The following FAM178B variants were observed in gnomAD, a reference collection of about 807,000 sequenced individuals.
FAM178B encodes protein FAM178B.
A neutral mutation model predicts 91.7 loss-of-function variants in FAM178B; 82 were observed. The ratio of observed to expected loss-of-function variants is 0.89; its 90% CI spans 0.75 to 1.07. The LOEUF (loss-of-function observed/expected upper bound fraction) is 1.07, where lower values mean the gene tolerates loss of function less well. Ranked by LOEUF, FAM178B falls within the 50% of genes least tolerant of loss-of-function variation. The pLI is 0.00. For synonymous variants in FAM178B, 368 were observed against 359.4 expected (o/e 1.02, Z -0.27); for missense variants, 769 against 846.7 (o/e 0.91, Z 1.14).
At chr2:96,966,121 C>G (rs2082139635) in intron 5 of FAM178B, among the ~76,000 whole-genome samples, 1 of 152,134 alleles carries the variant, frequency 6.6e-6, no homozygotes, top group South Asian at 2.1e-4. Context: ...GTGCCTGCCC[C>G]TGGCCTCCCT....
intron 12 of FAM178B, among the ~76,000 whole-genome samples, 196 bp from the exon 13 acceptor site, chr2:96,902,903 T>C (rs2080961357): frequency 6.6e-6 from 1 of 152,206 alleles, no homozygotes; most frequent in Admixed American, 6.5e-5. Context: ...GAAAATTAAA[T>C]AATAAATCCA....
At chr2:96,952,233 T>A (rs1251673371) in intron 6 of FAM178B, among the ~76,000 whole-genome samples, 2 of 152,172 alleles carry the variant, frequency 1.3e-5, no homozygotes, top group African/African-American at 4.8e-5. Flanking sequence ...GTTTCTGCTC[T>A]GCCTTATGTT....
intron 12 of FAM178B, among the ~76,000 whole-genome samples, chr2:96,919,763 C>G (rs964020722): frequency 4.6e-5 from 7 of 152,170 alleles, no homozygotes; most frequent in Non-Finnish European, 1.0e-4. Flanking sequence ...TCCAGAAGTC[C>G]CATTCTTTCA....
intron 13 of FAM178B, among the ~76,000 whole-genome samples, chr2:96,895,506 C>T (rs1303090562): frequency 6.6e-6 from 1 of 152,220 alleles, no homozygotes; most frequent in Non-Finnish European, 1.5e-5. Context: ...TACAGTTAGC[C>T]GCTCCTTCTG....
In FAM178B at chr2:96,895,779, C is replaced by G. The variant is rs969417646; in HGVS notation, c.1651-1728G>C. On this transcript the variant is annotated intron_variant, in intron 13 of 16. Coordinates refer to ENST00000490605, the MANE Select transcript of FAM178B (RefSeq NM_001122646.3). Reference sequence around the variant, plus strand: ...GCTTGAGCCCTGCAGCCCAGCCCCCCTCTTGAGCTTAGCCTGGCTGGCACA... The same window carrying G: ...GCTTGAGCCCTGCAGCCCAGCCCCCGTCTTGAGCTTAGCCTGGCTGGCACA... Among the ~76,000 whole-genome samples the G allele has an allele frequency of 2.6e-5, 4 of 152,246 alleles. No individual in the cohort carries two copies. The East Asian group carries it at 5.8e-4, about 22-fold the overall frequency.
At chr2:96,948,287 G>A (rs2081864851) in intron 7 of FAM178B, among the ~76,000 whole-genome samples, 1 of 152,244 alleles carries the variant, frequency 6.6e-6, no homozygotes, top group South Asian at 2.1e-4. Flanking sequence ...AAGCATGCCT[G>A]CACTCATCAC....
chr2:96,880,572 G>A (rs2080354755), intron 14 of FAM178B, among the ~76,000 whole-genome samples: 1 of 152,138 alleles, frequency 6.6e-6, no homozygotes, highest in African/African-American at 2.4e-5. Context: ...CTCATACAAG[G>A]AGAATACAAT....
chr2:96,902,768 G>GGCAGGATAC, intron 12 of FAM178B, 61 bp from the exon 13 acceptor site: 2 of 1,283,426 alleles, frequency 1.6e-6, no homozygotes, highest in Non-Finnish European at 2.2e-6. Context: ...CCGAGCAGGG[G>GGCAGGATAC]GCAGGATACC....
intron 14 of FAM178B, among the ~76,000 whole-genome samples, chr2:96,883,562 CAGG>C (rs1455294130): frequency 6.6e-6 from 1 of 152,222 alleles, no homozygotes; most frequent in African/African-American, 2.4e-5. Context: ...CTGTTTCTGG[CAGG>C]AGGACCCTGC....
intron 1 of FAM178B, among the ~76,000 whole-genome samples, chr2:96,979,914 T>C (rs1210290132): frequency 6.6e-6 from 1 of 152,254 alleles, no homozygotes; most frequent in Non-Finnish European, 1.5e-5. Context: ...GGAATAGGTA[T>C]GTCCATTATA....
At chr2:96,984,243 G>A (rs2082397075) in intron 1 of FAM178B, among the ~76,000 whole-genome samples, 1 of 152,118 alleles carries the variant, frequency 6.6e-6, no homozygotes, top group African/African-American at 2.4e-5. Flanking sequence ...ACGGGTGTGA[G>A]CCACTGTGCC....
chr2:96,894,097 A>G (rs2080750602), intron 13 of FAM178B, 46 bp from the exon 14 acceptor site: 1 of 1,565,852 alleles, frequency 6.4e-7, no homozygotes, highest in Non-Finnish European at 8.6e-7. Flanking sequence ...GTGGTGGCCA[A>G]GAGCTCAGGG....
At chr2:96,953,157 G>A (rs891967596) in intron 6 of FAM178B, among the ~76,000 whole-genome samples, 4 of 152,150 alleles carry the variant, frequency 2.6e-5, no homozygotes, top group African/African-American at 4.8e-5. Context: ...ATAGACCTTC[G>A]TTTGTACATA....
intron 8 of FAM178B, among the ~76,000 whole-genome samples, chr2:96,932,112 T>C (rs1054353002): frequency 1.8e-4 from 28 of 152,100 alleles, no homozygotes; most frequent in African/African-American, 6.5e-4. Flanking sequence ...CCCAGGTGGG[T>C]TGGAACCTCC....
At chr2:96,913,556 C>G (rs1290851320) in intron 12 of FAM178B, among the ~76,000 whole-genome samples, 2 of 152,218 alleles carry the variant, frequency 1.3e-5, no homozygotes, top group Non-Finnish European at 2.9e-5. Context: ...CACGGTGCAT[C>G]TGCGCCTGTC....
At chr2:96,943,620 C>A (rs1471717476) in intron 8 of FAM178B, among the ~76,000 whole-genome samples, 1 of 152,164 alleles carries the variant, frequency 6.6e-6, no homozygotes, top group African/African-American at 2.4e-5. Flanking sequence ...TGAATTGTAT[C>A]TTTAAAACAA....
At chr2:96,881,341 G>C (rs2080377982) in intron 14 of FAM178B, among the ~76,000 whole-genome samples, 1 of 151,950 alleles carries the variant, frequency 6.6e-6, no homozygotes, top group African/African-American at 2.4e-5. Context: ...GATGAGAGGT[G>C]GCAGGGGATG....
At chr2:96,970,825 T>C (rs1021340001) in intron 3 of FAM178B, 48 bp from the exon 4 acceptor site, 1 of 1,340,742 alleles carries the variant, frequency 7.5e-7, no homozygotes, top group Admixed American at 2.1e-5. Flanking sequence ...AGTACAAAGA[T>C]AGAGGAGAAA....
intron 7 of FAM178B, among the ~76,000 whole-genome samples, 153 bp downstream of exon 7, chr2:96,951,226 C>T (rs1297934718): frequency 2.6e-5 from 4 of 152,114 alleles, no homozygotes; most frequent in Admixed American, 2.6e-4. Context: ...GGGATCGATG[C>T]CCAATCAGCT....
Sources: allele counts gnomAD v4.1 joint callset (sites outside exome capture counted in the v4.1 genomes callset), GRCh38; gene constraint gnomAD v4.1.1; transcripts MANE v1.5; gene names NCBI Gene and HGNC (gene_info 2026-07-23, HGNC 2026-07-21).